Variants in DNER observed in about 807,000 individuals in gnomAD.
DNER encodes delta/notch like EGF repeat containing.
DNER carries 33 observed loss-of-function variants against 78.2 expected under a neutral mutation model. That is an observed-to-expected ratio of 0.42 (90% CI 0.32 to 0.56). The LOEUF (loss-of-function observed/expected upper bound fraction) is 0.56. Ranked by LOEUF, DNER falls within the 20% of genes least tolerant of loss-of-function variation. The pLI is 0.11. For synonymous variants in DNER, 417 were observed against 384.8 expected (o/e 1.08, Z -0.98); for missense variants, 918 against 975.3 (o/e 0.94, Z 0.78).
chr2:229,627,696 G>A (rs1176097703), intron 1 of DNER, among the ~76,000 whole-genome samples: 2 of 152,114 alleles, frequency 1.3e-5, no homozygotes, highest in African/African-American at 4.8e-5. Flanking sequence ...AAGACTCCCA[G>A]TAAAAACAAG....
At chr2:229,471,785 G>A (rs1401577463) in intron 7 of DNER, among the ~76,000 whole-genome samples, 3 of 152,142 alleles carry the variant, frequency 2.0e-5, no homozygotes, top group East Asian at 3.8e-4. Flanking sequence ...ACATGTAAAC[G>A]AGTGTTACTC....
At chr2:229,572,700 G>C (rs1697237009) in intron 4 of DNER, among the ~76,000 whole-genome samples, 1 of 152,176 alleles carries the variant, frequency 6.6e-6, no homozygotes, top group African/African-American at 2.4e-5. Context: ...CAAACACATG[G>C]AGACTATTAA....
At chr2:229,405,382 C>T (rs1693358213) in intron 10 of DNER, among the ~76,000 whole-genome samples, 1 of 152,044 alleles carries the variant, frequency 6.6e-6, no homozygotes, top group Admixed American at 6.6e-5. Context: ...CTCCTGTACC[C>T]TGGGATTCTA....
chr2:229,525,125 T>C (rs1696184487), intron 5 of DNER, among the ~76,000 whole-genome samples: 2 of 152,188 alleles, frequency 1.3e-5, no homozygotes, highest in African/African-American at 4.8e-5. Flanking sequence ...AGGCTGCAGC[T>C]AAAAAATATG....
chr2:229,707,298 G>A (rs1383469702), intron 1 of DNER, among the ~76,000 whole-genome samples: 1 of 148,954 alleles, frequency 6.7e-6, no homozygotes, highest in Non-Finnish European at 1.5e-5. Flanking sequence ...GTCTCCTAAA[G>A]TGCTGGGATT....
intron 10 of DNER, among the ~76,000 whole-genome samples, chr2:229,392,622 C>T (rs1693040132): frequency 6.6e-6 from 1 of 152,210 alleles, no homozygotes; most frequent in South Asian, 2.1e-4. Flanking sequence ...TCACAGAGGA[C>T]TGAGAAATAT....
At chr2:229,635,224 G>C (rs1322777321) in intron 1 of DNER, among the ~76,000 whole-genome samples, 1 of 152,034 alleles carries the variant, frequency 6.6e-6, no homozygotes, top group Non-Finnish European at 1.5e-5. Context: ...CTCCTCGGCA[G>C]CAACCAAGGG....
intron 4 of DNER, among the ~76,000 whole-genome samples, chr2:229,584,234 GACAA>G (rs1459424008): frequency 6.6e-6 from 1 of 151,562 alleles, no homozygotes; most frequent in Non-Finnish European, 1.5e-5. Flanking sequence ...AATTTAAGCT[GACAA>G]ACAACCCTGA....
intron 1 of DNER, among the ~76,000 whole-genome samples, chr2:229,656,985 C>CGTGTGT (rs1417445603): frequency 0.048 from 7,029 of 147,606 alleles, 216 homozygotes; most frequent in African/African-American, 0.088. Context: ...ACAGTTACCA[C>CGTGTGT]GTGTGTGTGT....
chr2:229,644,119 A>G (rs1444833543), intron 1 of DNER, among the ~76,000 whole-genome samples: 1 of 152,138 alleles, frequency 6.6e-6, no homozygotes, highest in Non-Finnish European at 1.5e-5. Flanking sequence ...CCCAAATGTC[A>G]TGGATCACTA....
rs187331635 is a variant in DNER at position 229,358,669 on chromosome 2, G to T, written c.2103-18C>A. 675 of 1,603,672 alleles carry T rather than the reference G, an allele frequency of 4.2e-4. 1 individual carries two copies. Among genetic ancestry groups the T allele is most frequent in the Middle Eastern group, 1.8e-3 (11 of 6,040 alleles). ...TTCCAAACCTGAAATCAGAGAGAAA[G>T]GACTCTGGTTAGATAAATACTAGAT... On this transcript the variant is annotated intron_variant, in intron 12 of 12. Transcript: ENST00000341772.
intron 1 of DNER, among the ~76,000 whole-genome samples, chr2:229,708,248 T>C (rs1318348512): frequency 5.9e-5 from 9 of 152,196 alleles, no homozygotes; most frequent in Non-Finnish European, 1.0e-4. Flanking sequence ...GATAAGAGTC[T>C]AGCAGGAGCT....
At chr2:229,681,553 G>T (rs1424284881) in intron 1 of DNER, among the ~76,000 whole-genome samples, 1 of 151,930 alleles carries the variant, frequency 6.6e-6, no homozygotes, top group Non-Finnish European at 1.5e-5. Flanking sequence ...TTCCCCCCTT[G>T]TCACCCACAC....
intron 6 of DNER, among the ~76,000 whole-genome samples, chr2:229,478,385 T>G (rs1170540554): frequency 6.6e-6 from 1 of 152,188 alleles, no homozygotes; most frequent in African/African-American, 2.4e-5. Context: ...CACCTGAGCT[T>G]CAATTACCTG....
At chr2:229,459,693 C>T (rs934663680) in intron 7 of DNER, among the ~76,000 whole-genome samples, 2 of 152,014 alleles carry the variant, frequency 1.3e-5, no homozygotes, top group East Asian at 1.9e-4. Context: ...CTGCTTCTCA[C>T]AAGAGAGTTC....
chr2:229,714,427 C>A lies in DNER; in HGVS notation c.-4G>T, dbSNP rs1699963630. ...CCTGGGCGCGGCGGGGCTGCATGGC[C>A]GGCCGGGAGGGCGCGGGAGCCGGAG... On this transcript the variant is annotated 5_prime_UTR_variant, in exon 1 of 13. Coordinates refer to ENST00000341772, the MANE Select transcript of DNER (RefSeq NM_139072.4). 8.8e-7 allele frequency: 1 copy of A among 1,138,406 alleles called. No individual in the cohort carries two copies. Among genetic ancestry groups the A allele is most frequent in the East Asian group, 4.8e-5 (1 of 20,988 alleles). The allele number at this position is 1,138,406 out of a possible 1,614,324, so 70.5% of individuals were successfully genotyped here. A position where few individuals can be genotyped will look rare whatever the true frequency, so the allele number is the denominator to read the frequency against.
intron 1 of DNER, among the ~76,000 whole-genome samples, chr2:229,663,524 A>C (rs188412759): frequency 6.6e-6 from 1 of 152,362 alleles, no homozygotes; most frequent in African/African-American, 2.4e-5. Context: ...AAAAGAGTAC[A>C]AAATCAGGCA....
intron 12 of DNER, among the ~76,000 whole-genome samples, chr2:229,364,269 C>T (rs1404571037): frequency 4.6e-5 from 7 of 151,982 alleles, no homozygotes; most frequent in Admixed American, 4.6e-4. Flanking sequence ...TGGGATGAGT[C>T]TACCTCTCAA....
chr2:229,365,469 A>C (rs1007865762), intron 12 of DNER, among the ~76,000 whole-genome samples: 6 of 152,028 alleles, frequency 3.9e-5, no homozygotes, highest in Non-Finnish European at 8.8e-5. Context: ...CAGAGTCTCT[A>C]TCTGTCGACC....
Sources: gnomAD v4.1 joint callset for allele counts (sites outside exome capture counted in the v4.1 genomes callset) on GRCh38, gnomAD v4.1.1 for gene constraint, MANE v1.5 for transcripts, NCBI Gene and HGNC (gene_info 2026-07-23, HGNC 2026-07-21) for gene names.